The following SMOC2 variants were observed in gnomAD, a reference collection of about 807,000 sequenced individuals.
The protein encoded by SMOC2 is SPARC related modular calcium binding 2.
In SMOC2, 39 loss-of-function variants were observed where a neutral mutation model predicts 61.4. The ratio of observed to expected loss-of-function variants is 0.64; its 90% CI spans 0.49 to 0.83. SMOC2 has a LOEUF of 0.83. Among genes scored for constraint, SMOC2 ranks in the 40% least tolerant of loss-of-function variants. The pLI is 0.00. For missense variants in SMOC2, 556 were observed against 592.9 expected, an observed-to-expected ratio of 0.94 and a Z score of 0.65; for synonymous variants, 247 against 239.9, an observed-to-expected ratio of 1.03 and a Z score of -0.27.
At chr6:168,613,385 C>T (rs1478633799) in intron 9 of SMOC2, among the ~76,000 whole-genome samples, 4 of 152,134 alleles carry the variant, frequency 2.6e-5, no homozygotes, top group African/African-American at 4.8e-5. Context: ...TGAGGAGCCC[C>T]TTGGGGAGCC....
At chr6:168,607,821 G>A (rs563486438) in intron 8 of SMOC2, among the ~76,000 whole-genome samples, 36 of 149,890 alleles carry the variant, frequency 2.4e-4, no homozygotes, top group African/African-American at 6.5e-4. Context: ...AGGTGTGGGC[G>A]CTGCTCCATC....
intron 9 of SMOC2, among the ~76,000 whole-genome samples, chr6:168,611,200 GT>G (rs1785851259): frequency 6.8e-6 from 1 of 147,290 alleles, no homozygotes; most frequent in African/African-American, 2.5e-5. Context: ...TGGGCCCTAT[GT>G]GGCTCCCGTG....
At chr6:168,598,571 G>A (rs986252005) in intron 7 of SMOC2, among the ~76,000 whole-genome samples, 24 of 152,180 alleles carry the variant, frequency 1.6e-4, no homozygotes, top group African/African-American at 5.8e-4. Context: ...GTGTTGAGCA[G>A]GAATGTCCAT....
intron 12 of SMOC2, 94 bp downstream of exon 12, chr6:168,664,205 T>G: frequency 1.0e-6 from 1 of 959,090 alleles, no homozygotes; most frequent in Non-Finnish European, 1.6e-6. Context: ...GGCCAGTACC[T>G]TCCAAGAAAA....
At chr6:168,486,446 T>A (rs557988763) in intron 1 of SMOC2, among the ~76,000 whole-genome samples, 1 of 152,130 alleles carries the variant, frequency 6.6e-6, no homozygotes, top group East Asian at 1.9e-4. Context: ...AAAAAAGAAA[T>A]AAAATCATGA....
intron 11 of SMOC2, among the ~76,000 whole-genome samples, chr6:168,655,914 A>G (rs554767754): frequency 2.7e-4 from 40 of 147,174 alleles, no homozygotes; most frequent in Non-Finnish European, 4.8e-4. Context: ...CACTGTACAC[A>G]TGTACTGGAT....
At chr6:168,622,273 G>A (rs773874316) in intron 9 of SMOC2, among the ~76,000 whole-genome samples, 1 of 152,074 alleles carries the variant, frequency 6.6e-6, no homozygotes, top group Non-Finnish European at 1.5e-5. Context: ...GCCTCTAGTG[G>A]ATAAATCTTT....
intron 1 of SMOC2, among the ~76,000 whole-genome samples, chr6:168,496,970 C>T (rs920569640): frequency 9.2e-5 from 14 of 152,202 alleles, no homozygotes; most frequent in South Asian, 4.1e-4. Flanking sequence ...CTCCTCCAGG[C>T]GAGGGGAAGA....
intron 1 of SMOC2, among the ~76,000 whole-genome samples, chr6:168,460,021 C>T (rs1781686110): frequency 6.6e-6 from 1 of 152,158 alleles, no homozygotes; most frequent in Non-Finnish European, 1.5e-5. Context: ...GTTTCTCTCA[C>T]TAGAATTTTG....
intron 1 of SMOC2, among the ~76,000 whole-genome samples, chr6:168,457,278 G>A (rs1012463353): frequency 2.0e-5 from 3 of 152,148 alleles, no homozygotes; most frequent in Admixed American, 6.5e-5. Context: ...TGTCTACAAC[G>A]GGGGAGTCAG....
intron 9 of SMOC2, among the ~76,000 whole-genome samples, chr6:168,621,103 C>T: frequency 6.7e-6 from 1 of 149,854 alleles, no homozygotes; most frequent in East Asian, 1.9e-4. Flanking sequence ...AAATTAAGGA[C>T]AATCTTTCAG....
intron 9 of SMOC2, among the ~76,000 whole-genome samples, chr6:168,616,297 A>C (rs1786091526): frequency 2.0e-5 from 3 of 152,180 alleles, no homozygotes; most frequent in Admixed American, 2.0e-4. Flanking sequence ...AGCTATCTGC[A>C]CTCTGTGTCC....
intron 9 of SMOC2, among the ~76,000 whole-genome samples, chr6:168,640,907 C>A (rs1294183306): frequency 6.6e-6 from 1 of 152,196 alleles, no homozygotes; most frequent in Non-Finnish European, 1.5e-5. Context: ...TGCTTCCTGG[C>A]AGCTGGCTTT....
At chr6:168,470,850 T>C (rs1311610683) in intron 1 of SMOC2, among the ~76,000 whole-genome samples, 2 of 152,154 alleles carry the variant, frequency 1.3e-5, no homozygotes, top group East Asian at 3.8e-4. Context: ...ATTTGACACA[T>C]CCAAAGCCAC....
intron 7 of SMOC2, among the ~76,000 whole-genome samples, chr6:168,592,524 C>CGAG (rs1257679002): frequency 3.3e-5 from 3 of 91,428 alleles, no homozygotes; most frequent in African/African-American, 1.2e-4. Flanking sequence ...TGAGGCCTCA[C>CGAG]GGGCATCTTT....
chr6:168,451,599 G>GTCTCTCTCTCTCTCTCTC (rs59096709), intron 1 of SMOC2, among the ~76,000 whole-genome samples: 1 of 145,528 alleles, frequency 6.9e-6, no homozygotes, highest in Admixed American at 6.8e-5. Flanking sequence ...CTCTGTCTCT[G>GTCTCTCTCTCTCTCTCTC]TCTCTCTCTC....
In SMOC2 at chr6:168,655,600, C is replaced by G. The variant is rs376403747; in HGVS notation, c.1285+2372C>G. On this transcript the variant is annotated intron_variant, in intron 11 of 12. Coordinates refer to ENST00000356284, the MANE Select transcript of SMOC2 (RefSeq NM_001166412.2). The stretch of plus-strand genomic sequence containing the variant: ...TACTAGATACCCGGCACATGTGTGC[C>G]AGATCCCCCTGCACATGTGTGCTGG... 29 of 346,308 alleles carry G rather than the reference C, an allele frequency of 8.4e-5. No individual in the cohort carries two copies. In the East Asian group the frequency reaches 8.4e-4, roughly 10 times the overall value. 21.5% of individuals were successfully genotyped at this position (346,308 alleles called of 1,614,324 possible).
At chr6:168,630,972 A>G (rs539373490) in intron 9 of SMOC2, among the ~76,000 whole-genome samples, 36 of 152,282 alleles carry the variant, frequency 2.4e-4, no homozygotes, top group African/African-American at 7.9e-4. Context: ...CTTCATTAGC[A>G]ATTTTAATTT....
At chr6:168,507,954 A>G (rs963950516) in intron 1 of SMOC2, among the ~76,000 whole-genome samples, 4 of 152,204 alleles carry the variant, frequency 2.6e-5, no homozygotes, top group African/African-American at 7.2e-5. Flanking sequence ...CATCTGGGCA[A>G]GGCCACTGCC....
Sources: gnomAD v4.1 joint callset for allele counts (sites outside exome capture counted in the v4.1 genomes callset) on GRCh38, gnomAD v4.1.1 for gene constraint, MANE v1.5 for transcripts, NCBI Gene and HGNC (gene_info 2026-07-23, HGNC 2026-07-21) for gene names.